CACNA1C: variants seen among roughly 807,000 people sequenced by gnomAD.
CACNA1C encodes calcium voltage-gated channel subunit alpha1 C.
In CACNA1C, 30 loss-of-function variants were observed where a neutral mutation model predicts 229.0. The observed-to-expected ratio is 0.13, with a 90% CI of 0.10 to 0.18. The LOEUF (loss-of-function observed/expected upper bound fraction) is 0.18. Ranked by LOEUF, CACNA1C falls within the 10% of genes least tolerant of loss-of-function variation. The probability of loss-of-function intolerance (pLI) is 1.00; values close to 1 mark genes in which losing one functional copy is unlikely to be tolerated. For missense variants in CACNA1C, 1,658 were observed against 2,845.0 expected, an observed-to-expected ratio of 0.58 and a Z score of 9.49; for synonymous variants, 1,114 against 1,132.5, an observed-to-expected ratio of 0.98 and a Z score of 0.33.
chr12:2,493,535 C>A lies in CACNA1C; in HGVS notation c.1113+149C>A. On this transcript the variant is annotated intron_variant, in intron 7 of 46. Transcript: ENST00000399655. This position sits in a 1 kb window ranked among gnomAD's most constrained non-coding sequence, Gnocchi z 4.6. ...GATGAAGAGCGTCTTTGATTTCTTCCAGGTCTTGCCTGAGAAACAAGGCAT... is the reference window on the plus strand; with the variant it reads ...GATGAAGAGCGTCTTTGATTTCTTCAAGGTCTTGCCTGAGAAACAAGGCAT... The A allele has an allele frequency of 1.5e-6, 1 of 686,686 alleles. No homozygotes were observed. Among genetic ancestry groups the A allele is most frequent in the Admixed American group, 2.5e-5 (1 of 40,770 alleles). 42.5% of individuals were successfully genotyped at this position (686,686 alleles called of 1,614,324 possible).
chr12:2,531,603 C>T (rs1038082102), intron 9 of CACNA1C, among the ~76,000 whole-genome samples: 4 of 152,148 alleles, frequency 2.6e-5, no homozygotes, highest in South Asian at 2.1e-4. Flanking sequence ...TGCAAAGAGA[C>T]GCTTCTCCCA....
rs564689549 is a variant in CACNA1C at position 1,998,153 on chromosome 12, G to A, written c.139+26952G>A. Reference sequence around the variant, plus strand: ...AGTTCTATGTCATCATTGTGCCTCTGCAGATTAGGCAGCAGGAAGCAGTCT... The same window carrying A: ...AGTTCTATGTCATCATTGTGCCTCTACAGATTAGGCAGCAGGAAGCAGTCT... On this transcript the variant is annotated intron_variant, in intron 1 of 46. Transcript: ENST00000682462. Among the ~76,000 whole-genome samples the A allele has an allele frequency of 3.9e-5, 6 of 152,338 alleles. 1 individual carries two copies. The highest frequency in any genetic ancestry group is 2.6e-4 in the Admixed American group (4 of 15,312).
intron 3 of CACNA1C, among the ~76,000 whole-genome samples, chr12:2,372,053 G>T (rs2097883594): frequency 6.6e-6 from 1 of 152,112 alleles, no homozygotes; most frequent in Non-Finnish European, 1.5e-5. Flanking sequence ...TTGTTGGTTG[G>T]TTGTTTATCA....
chr12:2,053,292 G>T lies in CACNA1C; in HGVS notation c.-271G>T. The T allele has an allele frequency of 8.5e-7, 1 of 1,178,110 alleles. No individual in the cohort carries two copies. Among genetic ancestry groups the T allele is most frequent in the South Asian group, 3.3e-5 (1 of 30,266 alleles). 73.0% of individuals were successfully genotyped at this position (1,178,110 alleles called of 1,614,324 possible). On this transcript the variant is annotated 5_prime_UTR_variant, in exon 1 of 47. Coordinates refer to ENST00000399655, the MANE Select transcript of CACNA1C (RefSeq NM_000719.7). This position sits in a 1 kb window ranked among gnomAD's most constrained non-coding sequence, Gnocchi z 5.8. ...GTAGCCGCCGGAGGTGCGGTGCTCA[G>T]TTCTTGGAAGGGGCCCGGATGTACT... is the stretch of plus-strand genomic sequence containing the variant.
At chr12:2,136,599 G>A (rs2093528097) in intron 3 of CACNA1C, among the ~76,000 whole-genome samples, 1 of 151,318 alleles carries the variant, frequency 6.6e-6, no homozygotes, top group Non-Finnish European at 1.5e-5. Flanking sequence ...AGAGGACCAA[G>A]GGAGGAGCAA....
chr12:2,290,671 A>T (rs941702624), intron 3 of CACNA1C, among the ~76,000 whole-genome samples: 2 of 152,090 alleles, frequency 1.3e-5, no homozygotes, highest in Admixed American at 1.3e-4. Context: ...TTAGAGACAT[A>T]CACTCGGGGC....
chr12:2,300,469 A>T (rs2094465896), intron 3 of CACNA1C, among the ~76,000 whole-genome samples: 1 of 152,080 alleles, frequency 6.6e-6, no homozygotes, highest in Admixed American at 6.6e-5. Context: ...AAAAATAAAA[A>T]AAAAAAATTA....
intron 1 of CACNA1C, among the ~76,000 whole-genome samples, chr12:2,046,571 A>C (rs1594314533): frequency 1.3e-5 from 2 of 152,286 alleles, no homozygotes; most frequent in East Asian, 3.9e-4. Flanking sequence ...GCCAGTCCCC[A>C]GGATCAGGCC....
intron 1 of CACNA1C, among the ~76,000 whole-genome samples, chr12:2,056,366 C>G (rs969198313): frequency 2.0e-5 from 3 of 152,180 alleles, no homozygotes; most frequent in Admixed American, 6.5e-5. Flanking sequence ...CTCTGGTGCC[C>G]TGTCTGCTCT....
In CACNA1C at chr12:1,971,322, C is replaced by A; in HGVS notation, c.139+121C>A. ...AAGAACTCATCTCTCCATATTTAAT[C>A]AGGATTTACCACACACCGTTGTAAA... On this transcript the variant is annotated intron_variant, in intron 1 of 46. Coordinates refer to the CACNA1C transcript ENST00000682462. This position sits in a 1 kb window ranked among gnomAD's most constrained non-coding sequence, Gnocchi z 4.2. 1 of 489,266 alleles carries A rather than the reference C, an allele frequency of 2.0e-6. No homozygotes were observed. The highest frequency in any genetic ancestry group is 3.3e-6 in the Non-Finnish European group (1 of 304,524). 30.3% of individuals were successfully genotyped at this position (489,266 alleles called of 1,614,324 possible). A position where few individuals can be genotyped will look rare whatever the true frequency, so the allele number is the denominator to read the frequency against.
chr12:2,389,863 C>T (rs1437251036), intron 3 of CACNA1C, among the ~76,000 whole-genome samples: 1 of 152,280 alleles, frequency 6.6e-6, no homozygotes, highest in South Asian at 2.1e-4. Flanking sequence ...GTCCCCTGGG[C>T]AAGTTCCAGC....
intron 1 of CACNA1C, among the ~76,000 whole-genome samples, chr12:2,102,741 A>G (rs1434241956): frequency 6.6e-6 from 1 of 151,332 alleles, no homozygotes; most frequent in African/African-American, 2.4e-5. Flanking sequence ...CTATCCCCGT[A>G]CTCCCCGAAA....
At chr12:2,093,988 G>A (rs2072653930) in intron 1 of CACNA1C, among the ~76,000 whole-genome samples, 1 of 152,256 alleles carries the variant, frequency 6.6e-6, no homozygotes, top group Non-Finnish European at 1.5e-5. Flanking sequence ...ACCTCCGCAT[G>A]TGTGAAAACT....
rs1480233455 is a variant in CACNA1C at position 2,605,203 on chromosome 12, A to G, written c.3048+35A>G. 1.4e-6 allele frequency: 2 copies of G among 1,444,024 alleles called. No homozygotes were observed. The highest frequency in any genetic ancestry group is 2.3e-5 in the South Asian group (2 of 87,574). 89.5% of individuals were successfully genotyped at this position (1,444,024 alleles called of 1,614,324 possible). ...GGGCTTGGGTAGGGAGTCTCCAGCC[A>G]GCCCATTGGGGAGTGGGAGCTCCAC... is the stretch of plus-strand genomic sequence containing the variant. On this transcript the variant is annotated intron_variant, in intron 23 of 46. Coordinates refer to ENST00000399655, the MANE Select transcript of CACNA1C (RefSeq NM_000719.7). This position sits in a 1 kb window ranked among gnomAD's most constrained non-coding sequence, Gnocchi z 6.2.
At chr12:2,424,604 G>A (rs957873939) in intron 3 of CACNA1C, among the ~76,000 whole-genome samples, 3 of 151,796 alleles carry the variant, frequency 2.0e-5, no homozygotes, top group African/African-American at 7.3e-5. Flanking sequence ...TAGGGGGTGA[G>A]TGCTTGGGCT....
At chr12:2,188,988 G>A (rs1426448821) in intron 3 of CACNA1C, among the ~76,000 whole-genome samples, 1 of 151,424 alleles carries the variant, frequency 6.6e-6, no homozygotes, top group Non-Finnish European at 1.5e-5. Context: ...AGCTACTTGG[G>A]AGGCTGAGGC....
chr12:1,982,558 T>G (rs1338166905), intron 1 of CACNA1C, among the ~76,000 whole-genome samples: 3 of 152,164 alleles, frequency 2.0e-5, no homozygotes, highest in Non-Finnish European at 4.4e-5. Context: ...TTTATTCTCT[T>G]TTGAGGTTGA....
rs1162828978 is a variant in CACNA1C, at chr12:2,566,332, G to A, written c.1509-90G>A. The A allele has an allele frequency of 8.2e-7, 1 of 1,215,390 alleles. No homozygotes were observed. The highest frequency in any genetic ancestry group is 1.5e-5 in the African/African-American group (1 of 66,042). 75.3% of individuals were successfully genotyped at this position (1,215,390 alleles called of 1,614,324 possible). ...GCTCTAGCAAGGCCAGATCAGTGAG[G>A]GGCGAGAAGAGCCATGGTGCTGCAT... On this transcript the variant is annotated intron_variant, in intron 11 of 46. Coordinates refer to ENST00000399655, the MANE Select transcript of CACNA1C (RefSeq NM_000719.7). The surrounding 1 kb of genome is among the most constrained non-coding windows in gnomAD (Gnocchi z 4.0).
At chr12:2,140,426 G>A (rs1336031557) in intron 3 of CACNA1C, among the ~76,000 whole-genome samples, 1 of 151,348 alleles carries the variant, frequency 6.6e-6, no homozygotes, top group African/African-American at 2.4e-5. Context: ...GAATGAATAT[G>A]TGAAGAAGAG....
Sources: gnomAD v4.1 joint callset for allele counts (sites outside exome capture counted in the v4.1 genomes callset) on GRCh38, gnomAD v4.1.1 for gene constraint, Gnocchi (gnomAD v3.1) non-coding constraint, MANE v1.5 for transcripts, NCBI Gene and HGNC (gene_info 2026-07-23, HGNC 2026-07-21) for gene names.